CAMKMT: variants seen among roughly 807,000 people sequenced by gnomAD.
CAMKMT encodes CaM KMT.
In CAMKMT, 53 loss-of-function variants were observed where a neutral mutation model predicts 48.0. The ratio of observed to expected loss-of-function variants is 1.10; its 90% CI spans 0.89 to 1.39. The LOEUF (loss-of-function observed/expected upper bound fraction) is 1.39. Among genes scored for constraint, CAMKMT ranks in the 40% most tolerant of loss-of-function variants. CAMKMT has a pLI of 0.00. For synonymous variants in CAMKMT, 165 were observed against 152.3 expected (o/e 1.08, Z -0.61); for missense variants, 428 against 402.7 (o/e 1.06, Z -0.54).
chr2:44,649,965 A>G (rs1178328937), intron 3 of CAMKMT, among the ~76,000 whole-genome samples: 1 of 152,158 alleles, frequency 6.6e-6, no homozygotes, highest in Non-Finnish European at 1.5e-5. Context: ...AATCTAGCAA[A>G]CTACAGTGCC....
At chr2:44,514,262 G>A (rs571524348) in intron 3 of CAMKMT, among the ~76,000 whole-genome samples, 2 of 151,918 alleles carry the variant, frequency 1.3e-5, no homozygotes, top group African/African-American at 4.8e-5. Flanking sequence ...GTGTTTAGGA[G>A]TAACATAAAA....
At chr2:44,737,496 C>G (rs1472405449) in intron 7 of CAMKMT, among the ~76,000 whole-genome samples, 1 of 152,128 alleles carries the variant, frequency 6.6e-6, no homozygotes, top group Non-Finnish European at 1.5e-5. Flanking sequence ...TAGTCTAGGG[C>G]TAATTATTCC....
chr2:44,520,055 CAA>C (rs34844162), intron 3 of CAMKMT, among the ~76,000 whole-genome samples: 2 of 138,512 alleles, frequency 1.4e-5, no homozygotes, highest in African/African-American at 2.7e-5. Context: ...ACTAAAAATA[CAA>C]AAAAAAAAAA....
chr2:44,698,545 A>G (rs1270466095), intron 3 of CAMKMT, among the ~76,000 whole-genome samples: 2 of 152,240 alleles, frequency 1.3e-5, no homozygotes, highest in Non-Finnish European at 2.9e-5. Context: ...GTCTAAAAAG[A>G]TGCACATACC....
chr2:44,425,069 A>T (rs998413212), intron 3 of CAMKMT, among the ~76,000 whole-genome samples: 1 of 152,222 alleles, frequency 6.6e-6, no homozygotes, highest in Non-Finnish European at 1.5e-5. Flanking sequence ...CACATTCAAT[A>T]TTGTGACTCA....
At chr2:44,496,003 A>G (rs904411847) in intron 3 of CAMKMT, among the ~76,000 whole-genome samples, 1 of 152,178 alleles carries the variant, frequency 6.6e-6, no homozygotes. Flanking sequence ...CCTTAAATAC[A>G]GAGTATTTAG....
intron 3 of CAMKMT, among the ~76,000 whole-genome samples, chr2:44,581,400 C>A (rs1442644507): frequency 6.6e-6 from 1 of 152,166 alleles, no homozygotes; most frequent in Admixed American, 6.5e-5. Flanking sequence ...GGAATTAAAT[C>A]TGTTTCTTCT....
intron 2 of CAMKMT, among the ~76,000 whole-genome samples, chr2:44,389,032 C>G (rs539372089): frequency 2.6e-5 from 4 of 152,106 alleles, no homozygotes; most frequent in Non-Finnish European, 5.9e-5. Flanking sequence ...TGTAGTAATA[C>G]GGAGAGGAAC....
At chr2:44,678,048 A>G (rs1675812637) in intron 3 of CAMKMT, among the ~76,000 whole-genome samples, 1 of 152,168 alleles carries the variant, frequency 6.6e-6, no homozygotes. Flanking sequence ...AGTTTTTTCA[A>G]TAAGAAAAAA....
intron 7 of CAMKMT, among the ~76,000 whole-genome samples, chr2:44,739,740 A>G (rs1031408678): frequency 3.9e-5 from 6 of 152,136 alleles, no homozygotes; most frequent in Non-Finnish European, 8.8e-5. Context: ...TAAGAGAATG[A>G]GAGGAGAGGA....
chr2:44,429,597 C>T (rs1347020990), intron 3 of CAMKMT, among the ~76,000 whole-genome samples: 3 of 151,850 alleles, frequency 2.0e-5, no homozygotes, highest in East Asian at 3.9e-4. Flanking sequence ...GTCAGGAGAT[C>T]GAGACCATCC....
intron 3 of CAMKMT, among the ~76,000 whole-genome samples, chr2:44,530,651 G>A (rs1000135489): frequency 3.9e-5 from 6 of 152,086 alleles, no homozygotes; most frequent in African/African-American, 1.4e-4. Context: ...ACTAAAATGA[G>A]AGACATTTTA....
At chr2:44,766,398 A>G in intron 9 of CAMKMT, 32 bp from the exon 10 acceptor site, 3 of 1,612,630 alleles carry the variant, frequency 1.9e-6, no homozygotes, top group Non-Finnish European at 2.5e-6. Flanking sequence ...TTCCAGTTTT[A>G]AAATATGTGA....
chr2:44,373,949 C>G (rs757284646), intron 2 of CAMKMT, among the ~76,000 whole-genome samples: 2 of 115,196 alleles, frequency 1.7e-5, no homozygotes, highest in Non-Finnish European at 4.3e-5. Flanking sequence ...CATGGCAAAA[C>G]CCCACCTTTA....
chr2:44,487,036 G>A (rs1165780415), intron 3 of CAMKMT, among the ~76,000 whole-genome samples: 1 of 152,206 alleles, frequency 6.6e-6, no homozygotes, highest in Admixed American at 6.5e-5. Context: ...CTGAATATTA[G>A]GATGAGGAAT....
intron 8 of CAMKMT, among the ~76,000 whole-genome samples, chr2:44,749,872 GGTGCTTACTCTTGC>G (rs1188996188): frequency 1.3e-5 from 2 of 152,102 alleles, no homozygotes; most frequent in East Asian, 3.9e-4. Flanking sequence ...TAGAGTAGGT[GGTGCTTACTCTTGC>G]TGTGTGAAGA....
At chr2:44,733,930 G>C (rs917104809) in intron 7 of CAMKMT, among the ~76,000 whole-genome samples, 1 of 152,038 alleles carries the variant, frequency 6.6e-6, no homozygotes, top group Non-Finnish European at 1.5e-5. Flanking sequence ...TCATATTCAT[G>C]ATATTGGTGA....
chr2:44,375,986 C>A (rs1222874771), intron 2 of CAMKMT, among the ~76,000 whole-genome samples: 1 of 149,948 alleles, frequency 6.7e-6, no homozygotes, highest in African/African-American at 2.4e-5. Flanking sequence ...CAGGGTTTCA[C>A]CATGTTGGGC....
chr2:44,647,044 A>T (rs1000749803), intron 3 of CAMKMT, among the ~76,000 whole-genome samples: 4 of 152,178 alleles, frequency 2.6e-5, no homozygotes, highest in African/African-American at 7.2e-5. Flanking sequence ...CACGCCTGTA[A>T]TTCCAGCACT....
Sources: gnomAD v4.1 joint callset for allele counts (sites outside exome capture counted in the v4.1 genomes callset) on GRCh38, gnomAD v4.1.1 for gene constraint, MANE v1.5 for transcripts, NCBI Gene and HGNC (gene_info 2026-07-23, HGNC 2026-07-21) for gene names.